Variants in ITGBL1 observed in about 807,000 individuals in gnomAD.
ITGBL1 encodes integrin beta-like protein 1.
ITGBL1 carries 51 observed loss-of-function variants against 68.5 expected under a neutral mutation model. The ratio of observed to expected loss-of-function variants is 0.74; its 90% CI spans 0.59 to 0.94. The LOEUF (loss-of-function observed/expected upper bound fraction) is 0.94, where lower values mean the gene tolerates loss of function less well. Among genes scored for constraint, ITGBL1 ranks in the 40% least tolerant of loss-of-function variants. The pLI is 0.00. For missense variants in ITGBL1, 649 were observed against 647.4 expected (o/e 1.00, Z -0.03); for synonymous variants, 209 against 227.3 (o/e 0.92, Z 0.72).
intron 2 of ITGBL1, among the ~76,000 whole-genome samples, chr13:101,502,628 A>G (rs574502679): frequency 2.6e-4 from 39 of 152,308 alleles, no homozygotes; most frequent in Non-Finnish European, 4.6e-4. Flanking sequence ...TCATACATTT[A>G]CTAATTAAAT....
chr13:101,627,015 A>C (rs1459839071), intron 7 of ITGBL1, among the ~76,000 whole-genome samples: 1 of 152,212 alleles, frequency 6.6e-6, no homozygotes, highest in Non-Finnish European at 1.5e-5. Context: ...TGCGTAGGTC[A>C]TTTAACCTTT....
chr13:101,456,024 A>G (rs554264102), intron 2 of ITGBL1, among the ~76,000 whole-genome samples: 34 of 152,196 alleles, frequency 2.2e-4, no homozygotes, highest in African/African-American at 8.2e-4. Flanking sequence ...ATGCAGAAGG[A>G]ATGCTGTGGT....
intron 7 of ITGBL1, among the ~76,000 whole-genome samples, chr13:101,676,686 A>G (rs2033511118): frequency 6.6e-6 from 1 of 152,144 alleles, no homozygotes; most frequent in Admixed American, 6.5e-5. Context: ...TTTACTTAAT[A>G]CTGTTTATTG....
At chr13:101,593,014 A>G (rs745692419) in intron 6 of ITGBL1, among the ~76,000 whole-genome samples, 1 of 152,114 alleles carries the variant, frequency 6.6e-6, no homozygotes, top group Non-Finnish European at 1.5e-5. Flanking sequence ...TGCAAACTAT[A>G]TATCTGACAA....
chr13:101,474,204 G>C (rs1022484634), intron 2 of ITGBL1, among the ~76,000 whole-genome samples: 1 of 152,108 alleles, frequency 6.6e-6, no homozygotes. Flanking sequence ...CCCACACTGG[G>C]CCAGAGGGAA....
At chr13:101,638,256 T>A (rs560723649) in intron 7 of ITGBL1, among the ~76,000 whole-genome samples, 1 of 152,218 alleles carries the variant, frequency 6.6e-6, no homozygotes, top group African/African-American at 2.4e-5. Context: ...AAACATTACA[T>A]CTGTAATTGC....
chr13:101,526,659 A>ATGTGTGTG (rs35919129), intron 2 of ITGBL1, among the ~76,000 whole-genome samples: 3,118 of 149,362 alleles, frequency 0.021, 38 homozygotes, highest in Middle Eastern at 0.069. Flanking sequence ...TTGAAGTTAT[A>ATGTGTGTG]TGTGTGTGTG....
intron 2 of ITGBL1, among the ~76,000 whole-genome samples, chr13:101,511,925 T>C (rs1199196799): frequency 6.6e-6 from 1 of 152,098 alleles, no homozygotes; most frequent in Non-Finnish European, 1.5e-5. Context: ...AAACCAGAAG[T>C]CTCCTTGATG....
chr13:101,497,529 G>C (rs929647460), intron 2 of ITGBL1, among the ~76,000 whole-genome samples: 5 of 152,200 alleles, frequency 3.3e-5, no homozygotes, highest in African/African-American at 1.2e-4. Context: ...AAACCATGGA[G>C]GCAGAGTCTG....
At chr13:101,522,311 C>T (rs2049299604) in intron 2 of ITGBL1, among the ~76,000 whole-genome samples, 1 of 152,044 alleles carries the variant, frequency 6.6e-6, no homozygotes, top group African/African-American at 2.4e-5. Flanking sequence ...AAAGACCTTA[C>T]AGACTAGTTA....
chr13:101,462,595 T>C (rs532214099), intron 2 of ITGBL1, among the ~76,000 whole-genome samples: 8 of 152,310 alleles, frequency 5.3e-5, no homozygotes, highest in Middle Eastern at 3.4e-3. Flanking sequence ...TATCATTATT[T>C]TTTTTGAGTT....
rs34627046 is a variant in ITGBL1, at chr13:101,689,211, T to TAAAAAAAAAAAAAAAAAA, written c.1016-3369_1016-3352dup. ...CCTGGGGACAGAGCAAGACTCTGCC[T>TAAAAAAAAAAAAAAAAAA]AAAAAAAAAAAAAAAAAAAAAATTA... On this transcript the variant is annotated intron_variant, in intron 7 of 10. Transcript: ENST00000376180. Among the ~76,000 whole-genome samples, 523 of 74,782 alleles carry TAAAAAAAAAAAAAAAAAA rather than the reference T, an allele frequency of 7.0e-3. 37 individuals carry two copies. The highest frequency in any genetic ancestry group is 0.066 in the East Asian group (54 of 824). 49.1% of individuals were successfully genotyped at this position (74,782 alleles called of 152,430 possible). A position where few individuals can be genotyped will look rare whatever the true frequency, so the allele number is the denominator to read the frequency against.
chr13:101,531,276 CG>C (rs1566718209), intron 2 of ITGBL1, among the ~76,000 whole-genome samples: 3 of 152,074 alleles, frequency 2.0e-5, no homozygotes, highest in Admixed American at 1.3e-4. Context: ...GATATGTTTT[CG>C]GGGCTCTGAT....
intron 4 of ITGBL1, among the ~76,000 whole-genome samples, chr13:101,576,659 G>A (rs919258766): frequency 1.3e-5 from 2 of 152,132 alleles, no homozygotes; most frequent in African/African-American, 2.4e-5. Flanking sequence ...GGACAAGCTT[G>A]TTCTTTTGTT....
At chr13:101,461,278 G>T (rs537647863) in intron 2 of ITGBL1, among the ~76,000 whole-genome samples, 2 of 152,020 alleles carry the variant, frequency 1.3e-5, no homozygotes, top group Non-Finnish European at 2.9e-5. Flanking sequence ...AACTGACATC[G>T]CATGTTCTTG....
At chr13:101,486,298 A>G (rs2048701968) in intron 2 of ITGBL1, among the ~76,000 whole-genome samples, 1 of 152,192 alleles carries the variant, frequency 6.6e-6, no homozygotes, top group Admixed American at 6.5e-5. Flanking sequence ...TGAGAATGCA[A>G]AGGCATAAGA....
At chr13:101,493,667 C>T (rs937987518) in intron 2 of ITGBL1, among the ~76,000 whole-genome samples, 3 of 152,176 alleles carry the variant, frequency 2.0e-5, no homozygotes, top group African/African-American at 4.8e-5. Context: ...AAGATTTATT[C>T]CACATGCCTG....
intron 2 of ITGBL1, among the ~76,000 whole-genome samples, chr13:101,558,633 G>A (rs1302378578): frequency 6.6e-6 from 1 of 152,108 alleles, no homozygotes; most frequent in East Asian, 1.9e-4. Flanking sequence ...GGATTCTCTG[G>A]TAGGGAAAGG....
chr13:101,459,742 A>G (rs982784226), intron 2 of ITGBL1, among the ~76,000 whole-genome samples: 2 of 152,232 alleles, frequency 1.3e-5, no homozygotes, highest in African/African-American at 4.8e-5. Context: ...CCTGTTTCAA[A>G]TAAATAAGAA....
Sources: allele counts gnomAD v4.1 joint callset (sites outside exome capture counted in the v4.1 genomes callset), GRCh38; gene constraint gnomAD v4.1.1; transcripts MANE v1.5; gene names NCBI Gene and HGNC (gene_info 2026-07-23, HGNC 2026-07-21).